The following ABHD2 variants were observed in gnomAD, a reference collection of about 807,000 sequenced individuals.
ABHD2 encodes abhydrolase domain containing 2, acylglycerol lipase.
ABHD2 carries 20 observed loss-of-function variants against 48.1 expected under a neutral mutation model. The ratio of observed to expected loss-of-function variants is 0.42; its 90% confidence interval spans 0.29 to 0.60. The LOEUF (loss-of-function observed/expected upper bound fraction) is 0.60, where lower values mean the gene tolerates loss of function less well. ABHD2 is among the 20% of genes least tolerant of loss of function. ABHD2 has a pLI of 0.24. For missense variants in ABHD2, 405 were observed against 550.9 expected, an observed-to-expected ratio of 0.74 and a Z score of 2.65; for synonymous variants, 209 against 214.2, an observed-to-expected ratio of 0.98 and a Z score of 0.21.
At chr15:89,124,355 A>G (rs951424301) in intron 3 of ABHD2, among the ~76,000 whole-genome samples, 7 of 152,194 alleles carry the variant, frequency 4.6e-5, no homozygotes, top group African/African-American at 1.4e-4. Flanking sequence ...TGTTTTCTCA[A>G]TCTTAAAGCA....
In ABHD2 at chr15:89,196,608, A is replaced by T. The variant is rs918049116; in HGVS notation, c.*1185A>T. The T allele has an allele frequency of 5.9e-5, 9 of 151,650 alleles. No homozygotes were observed. The highest frequency in any genetic ancestry group is 2.2e-4 in the African/African-American group (9 of 41,284). 9.4% of individuals were successfully genotyped at this position (151,650 alleles called of 1,614,324 possible). A position where few individuals can be genotyped will look rare whatever the true frequency, so the allele number is the denominator to read the frequency against. Reference sequence around the variant, plus strand: ...CCTTATTTGATAAAAAGATGTTTTGAGTTGTTTTTTTTTTAAGCACTCACT... The same window carrying T: ...CCTTATTTGATAAAAAGATGTTTTGTGTTGTTTTTTTTTTAAGCACTCACT... On this transcript the variant is annotated 3_prime_UTR_variant, in exon 11 of 11. Transcript: ENST00000352732.
rs774814511 is a variant in ABHD2, at chr15:89,173,694, C to T, written c.539-2118C>T. ...TTCTGGACCAGGTTTTTGTTCCTTC[C>T]CTGTCCTCAGGGCCCATTCAGAGGC... On this transcript the variant is annotated intron_variant, in intron 5 of 10. Coordinates refer to ENST00000352732, the MANE Select transcript of ABHD2 (RefSeq NM_152924.5). The surrounding 1 kb of genome is among the most constrained non-coding windows in gnomAD (Gnocchi z 6.5). 2.0e-5 allele frequency among the ~76,000 whole-genome samples: 3 copies of T among 152,206 alleles called. No homozygotes were observed. Among genetic ancestry groups the T allele is most frequent in the Non-Finnish European group, 4.4e-5 (3 of 68,042 alleles).
chr15:89,106,473 C>T lies in ABHD2; in HGVS notation c.-106-7252C>T, dbSNP rs293389. On this transcript the variant is annotated intron_variant, in intron 1 of 10. Transcript: ENST00000352732. This position sits in a 1 kb window ranked among gnomAD's most constrained non-coding sequence, Gnocchi z 4.2. ...ACCTTACCGAGAGTGAGAACAGGGC[C>T]GGGTCGCCAGGGCTGTGCAGTTCCC... 47,734 of 151,830 alleles carry T rather than the reference C, an allele frequency of 0.31. 8,923 individuals are homozygous for T. The highest frequency in any genetic ancestry group is 0.43 in the Non-Finnish European group (29,531 of 67,934). 9.4% of individuals were successfully genotyped at this position (151,830 alleles called of 1,614,324 possible). A position where few individuals can be genotyped will look rare whatever the true frequency, so the allele number is the denominator to read the frequency against.
At chr15:89,153,317 T>G (rs1301223971) in intron 4 of ABHD2, among the ~76,000 whole-genome samples, 6 of 152,002 alleles carry the variant, frequency 3.9e-5, no homozygotes, top group Non-Finnish European at 8.8e-5. Context: ...AGCTGGCTTC[T>G]AATAAACAGC....
rs748293709 is a variant in ABHD2 at position 89,155,129 on chromosome 15, A to G, written c.371-238A>G. 6.6e-6 allele frequency among the ~76,000 whole-genome samples: 1 copy of G among 152,180 alleles called. No individual in the cohort carries two copies. Among genetic ancestry groups the G allele is most frequent in the Admixed American group, 6.5e-5 (1 of 15,286 alleles). On this transcript the variant is annotated intron_variant, in intron 4 of 10. Transcript: ENST00000352732. This position sits in a 1 kb window ranked among gnomAD's most constrained non-coding sequence, Gnocchi z 4.9. The stretch of plus-strand genomic sequence containing the variant: ...GTAATTAACTTCTATTGTCTTTTCA[A>G]AAGTATCTGTTCATGACTTACTGGA...
the ABHD2 span, among the ~76,000 whole-genome samples, chr15:89,063,899 C>A: frequency 3.3e-5 from 5 of 152,050 alleles, no homozygotes; most frequent in Non-Finnish European, 7.4e-5. Flanking sequence ...TCTGAAACCA[C>A]CTTCTGCTGT....
the ABHD2 span, among the ~76,000 whole-genome samples, chr15:89,049,207 C>G: frequency 3.9e-5 from 6 of 152,328 alleles, no homozygotes; most frequent in African/African-American, 1.4e-4. Context: ...GCCCGGAGGT[C>G]AGGCATCAGG....
In ABHD2 at chr15:89,175,792, T is replaced by G. The variant is rs372442772; in HGVS notation, c.539-20T>G. 9.3e-6 allele frequency: 15 copies of G among 1,613,732 alleles called. No individual in the cohort carries two copies. Among genetic ancestry groups the G allele is most frequent in the Admixed American group, 5.0e-5 (3 of 59,934 alleles). ...GGATGCACCTGAAATGATTGAGCAA[T>G]CTCACCCTTTTGCCCACAGGCTGCA... On this transcript the variant is annotated intron_variant, in intron 5 of 10. Transcript: ENST00000352732. The surrounding 1 kb of genome is among the most constrained non-coding windows in gnomAD (Gnocchi z 5.7).
chr15:89,046,228 T>A, the ABHD2 span, among the ~76,000 whole-genome samples: 2 of 152,236 alleles, frequency 1.3e-5, no homozygotes. Flanking sequence ...GAACCAGCCT[T>A]GCATCCCAGG....
At position 89,094,714 on chromosome 15, in the gene ABHD2, GCAA is replaced by G. The variant is rs1399372828; in HGVS notation, c.-107+6167_-107+6169del. On this transcript the variant is annotated intron_variant, in intron 1 of 10. Coordinates refer to ENST00000352732, the MANE Select transcript of ABHD2 (RefSeq NM_152924.5). The surrounding 1 kb of genome is among the most constrained non-coding windows in gnomAD (Gnocchi z 4.7). Reference sequence around the variant, plus strand: ...CAGAGCAAGACTCCGTCTCAAAACAGCAACAACAACAACAACAAAAACAAATAA... The same window carrying G: ...CAGAGCAAGACTCCGTCTCAAAACAGCAACAACAACAACAAAAACAAATAA... 6.0e-5 allele frequency among the ~76,000 whole-genome samples: 9 copies of G among 149,756 alleles called. No homozygotes were observed. In the South Asian group the frequency reaches 1.3e-3, roughly 21 times the overall value.
chr15:89,195,160 C>G lies in ABHD2; in HGVS notation c.1082-67C>G. 2 of 1,556,586 alleles carry G rather than the reference C, an allele frequency of 1.3e-6. No homozygotes were observed. The highest frequency in any genetic ancestry group is 2.4e-5 in the South Asian group (2 of 81,880). ...CAGCCAGGCTACCCTAGCCAGCTCA[C>G]CTCTGCACCTCCTGTCCTGGAGCAA... is the stretch of plus-strand genomic sequence containing the variant. On this transcript the variant is annotated intron_variant, in intron 10 of 10. Coordinates refer to ENST00000352732, the MANE Select transcript of ABHD2 (RefSeq NM_152924.5). The surrounding 1 kb of genome is among the most constrained non-coding windows in gnomAD (Gnocchi z 5.1).
rs975273633 is a variant in ABHD2, at chr15:89,104,797, G to A, written c.-106-8928G>A. Among the ~76,000 whole-genome samples, 8 of 152,348 alleles carry A rather than the reference G, an allele frequency of 5.3e-5. No individual in the cohort carries two copies. The highest frequency in any genetic ancestry group is 1.7e-4 in the African/African-American group (7 of 41,590). On this transcript the variant is annotated intron_variant, in intron 1 of 10. Transcript: ENST00000352732. The surrounding 1 kb of genome is among the most constrained non-coding windows in gnomAD (Gnocchi z 4.4). ...GAAGCTTATTTCCAGACATAGAAGA[G>A]TGGGTGGCATCTCTATGGTGCCCAG...
chr15:89,116,642 G>A lies in ABHD2; in HGVS notation c.194+121G>A. Reference sequence around the variant, plus strand: ...GCATCAATGGGATATGACGTCACTGGTGTTAAAATAGCCACAGTCTGATTG... The same window carrying A: ...GCATCAATGGGATATGACGTCACTGATGTTAAAATAGCCACAGTCTGATTG... On this transcript the variant is annotated intron_variant, in intron 3 of 10. Transcript: ENST00000352732. This position sits in a 1 kb window ranked among gnomAD's most constrained non-coding sequence, Gnocchi z 4.6. The A allele has an allele frequency of 9.3e-7, 1 of 1,071,372 alleles. No individual in the cohort carries two copies. The highest frequency in any genetic ancestry group is 1.3e-6 in the Non-Finnish European group (1 of 752,782). 66.4% of individuals were successfully genotyped at this position (1,071,372 alleles called of 1,614,324 possible).
chr15:89,073,408 G>C, the ABHD2 span, among the ~76,000 whole-genome samples: 1 of 152,122 alleles, frequency 6.6e-6, no homozygotes, highest in Non-Finnish European at 1.5e-5. Context: ...CGATTCTCCT[G>C]CCTCAGCCTC....
In ABHD2 at chr15:89,191,079, G is replaced by A; in HGVS notation, c.927-1G>A. Reference sequence around the variant, plus strand: ...TTTTTTCTTTTTCTGGTGTGTTGCAGGAAGTTTCACGGCTATAACTCCCTG... The same window carrying A: ...TTTTTTCTTTTTCTGGTGTGTTGCAAGAAGTTTCACGGCTATAACTCCCTG... On this transcript the variant is annotated splice_acceptor_variant, in intron 8 of 10. Coordinates refer to ENST00000352732, the MANE Select transcript of ABHD2 (RefSeq NM_152924.5). LOFTEE classifies it high-confidence loss of function. The A allele has an allele frequency of 6.2e-7, 1 of 1,613,698 alleles. No homozygotes were observed. Among genetic ancestry groups the A allele is most frequent in the Non-Finnish European group, 8.5e-7 (1 of 1,179,976 alleles).
intron 3 of ABHD2, among the ~76,000 whole-genome samples, chr15:89,126,382 CCTT>C (rs1003019862): frequency 6.6e-6 from 1 of 152,190 alleles, no homozygotes; most frequent in African/African-American, 2.4e-5. Flanking sequence ...CTTTTATACT[CCTT>C]CTCAATGTGT....
At position 89,155,751 on chromosome 15, in the gene ABHD2, C is replaced by T. The variant is rs1044997944; in HGVS notation, c.538+217C>T. ...GGCACTATAACCACCCTCACAGAGGCAGAAACTGAAGCTTACAGGGGAAAG... is the reference window on the plus strand; with the variant it reads ...GGCACTATAACCACCCTCACAGAGGTAGAAACTGAAGCTTACAGGGGAAAG... On this transcript the variant is annotated intron_variant, in intron 5 of 10. Transcript: ENST00000352732. This position sits in a 1 kb window ranked among gnomAD's most constrained non-coding sequence, Gnocchi z 4.9. 4.6e-5 allele frequency among the ~76,000 whole-genome samples: 7 copies of T among 152,198 alleles called. No homozygotes were observed. Among genetic ancestry groups the T allele is most frequent in the African/African-American group, 1.7e-4 (7 of 41,454 alleles).
the ABHD2 span, among the ~76,000 whole-genome samples, chr15:89,073,001 C>T: frequency 3.3e-5 from 5 of 152,058 alleles, no homozygotes; most frequent in South Asian, 1.0e-3. Flanking sequence ...TAAGTATAGC[C>T]CACACAATAT....
At chr15:89,058,661 A>T in the ABHD2 span, among the ~76,000 whole-genome samples, 2 of 152,086 alleles carry the variant, frequency 1.3e-5, no homozygotes, top group African/African-American at 4.8e-5. Context: ...ACTCCTGGAA[A>T]TCTGGGTTGT....
Sources: gnomAD v4.1 joint callset for allele counts (sites outside exome capture counted in the v4.1 genomes callset) on GRCh38, gnomAD v4.1.1 for gene constraint, Gnocchi (gnomAD v3.1) non-coding constraint, MANE v1.5 for transcripts, NCBI Gene and HGNC (gene_info 2026-07-23, HGNC 2026-07-21) for gene names.